The following ARMC9 variants were observed in gnomAD, a reference collection of about 807,000 sequenced individuals.
ARMC9 encodes the protein armadillo repeat containing 9.
In ARMC9, 94 loss-of-function variants were observed where a neutral mutation model predicts 107.0. The observed-to-expected ratio is 0.88, with a 90% confidence interval of 0.74 to 1.04. The LOEUF is 1.04. Among genes scored for constraint, ARMC9 ranks in the 50% least tolerant of loss-of-function variants. The pLI, the probability that ARMC9 is intolerant of heterozygous loss-of-function variation, is 0.00. For synonymous variants in ARMC9, 380 were observed against 396.9 expected, an observed-to-expected ratio of 0.96 and a Z score of 0.51; for missense variants, 942 against 1,030.1, an observed-to-expected ratio of 0.91 and a Z score of 1.17.
At chr2:231,232,174 C>T (rs556791493) in intron 7 of ARMC9, among the ~76,000 whole-genome samples, 36 of 151,592 alleles carry the variant, frequency 2.4e-4, no homozygotes, top group South Asian at 8.4e-4. Context: ...TACAGGTGTG[C>T]GCCACCACGC....
intron 20 of ARMC9, among the ~76,000 whole-genome samples, chr2:231,337,290 A>ATTTTTTTTTTTTTTT (rs58078324): frequency 2.6e-5 from 1 of 38,028 alleles, no homozygotes; most frequent in Non-Finnish European, 4.3e-5. Context: ...ATATATATAT[A>ATTTTTTTTTTTTTTT]TTTTTTTTTT....
At chr2:231,254,849 C>T (rs1453355501) in intron 9 of ARMC9, among the ~76,000 whole-genome samples, 1 of 152,138 alleles carries the variant, frequency 6.6e-6, no homozygotes, top group East Asian at 1.9e-4. Flanking sequence ...TTCTTCTCCT[C>T]TACTTATTCC....
chr2:231,357,304 G>T (rs753757103), intron 22 of ARMC9, among the ~76,000 whole-genome samples: 3 of 152,166 alleles, frequency 2.0e-5, no homozygotes, highest in Non-Finnish European at 2.9e-5. Context: ...CCCCCAGATG[G>T]ACCGGCTGGA....
chr2:231,282,148 C>G lies in ARMC9; in HGVS notation c.1626+15C>G, dbSNP rs763206451. 6.2e-7 allele frequency: 1 copy of G among 1,613,410 alleles called. No individual in the cohort carries two copies. The highest frequency in any genetic ancestry group is 8.5e-7 in the Non-Finnish European group (1 of 1,179,346). On this transcript the variant is annotated intron_variant, in intron 17 of 24. Coordinates refer to ENST00000611582, the MANE Select transcript of ARMC9 (RefSeq NM_001352754.2). ...CAAGAGCAATGGTAAGAAAGCGTGC[C>G]TGAGAAACATGTGAGCTTCCTTTAG...
At chr2:231,272,193 T>TG (rs1230341406) in intron 13 of ARMC9, among the ~76,000 whole-genome samples, 3 of 144,828 alleles carry the variant, frequency 2.1e-5, no homozygotes, top group African/African-American at 7.7e-5. Flanking sequence ...TTTGGTTTTT[T>TG]TTTTTTTTTT....
At chr2:231,356,162 G>A (rs1320206123) in intron 22 of ARMC9, among the ~76,000 whole-genome samples, 1 of 152,184 alleles carries the variant, frequency 6.6e-6, no homozygotes, top group African/African-American at 2.4e-5. Flanking sequence ...TCCCGTCTGG[G>A]AGCTCCTGGG....
intron 2 of ARMC9, among the ~76,000 whole-genome samples, chr2:231,207,055 A>T (rs1395221965): frequency 6.6e-6 from 1 of 152,252 alleles, no homozygotes; most frequent in Non-Finnish European, 1.5e-5. Context: ...CCTAGGCTGG[A>T]GTGCAGTGGC....
At position 231,355,855 on chromosome 2, in the gene ARMC9, G is replaced by T. The variant is rs1345595442; in HGVS notation, c.2052G>T (p.Pro684=). The T allele has an allele frequency of 2.0e-6, 3 of 1,535,918 alleles. No individual in the cohort carries two copies. Among genetic ancestry groups the T allele is most frequent in the Non-Finnish European group, 2.6e-6 (3 of 1,146,880 alleles). The stretch of plus-strand genomic sequence containing the variant: ...CCCAGCACGCCAGAAACGGCCACCC[G>T]CAGGCCCTGCCAGCCGCTCACGAGG... ...QTAQHARNGH[P]QALPAAHEAV... The change falls in exon 22 of 25, where the codon CCG becomes CCT. Residue 684 remains proline (P), a synonymous_variant. Coordinates refer to ENST00000611582, the MANE Select transcript of ARMC9 (RefSeq NM_001352754.2).
intron 19 of ARMC9, among the ~76,000 whole-genome samples, chr2:231,302,437 GT>G (rs56032700): frequency 0.17 from 9,819 of 58,520 alleles, 714 homozygotes; most frequent in African/African-American, 0.41. Flanking sequence ...TTGTGGGTTT[GT>G]TTTTTTTTTT....
rs1265080016 is a variant in ARMC9, at chr2:231,262,322, A to G, written c.1043A>G (p.His348Arg). ...TTGCTCCAGCGCTTGACCACATCCC[A>G]TCCTGGAGAGCAGAGGGAGACCGTT... ...QALRWRLTTS[H>R]PGEQRETVLQ... is the part of the protein sequence containing the mutation. The change falls in exon 12 of 25, where the codon CAT becomes CGT. Residue 348 changes from histidine (H) to arginine (R), a missense_variant. His to Arg is a conservative substitution (Grantham distance 29). Transcript: ENST00000611582. 4 of 1,614,104 alleles carry G rather than the reference A, an allele frequency of 2.5e-6. No homozygotes were observed. The highest frequency in any genetic ancestry group is 2.2e-5 in the East Asian group (1 of 44,882).
intron 19 of ARMC9, among the ~76,000 whole-genome samples, chr2:231,298,561 G>A (rs2041524976): frequency 6.6e-6 from 1 of 152,196 alleles, no homozygotes; most frequent in Non-Finnish European, 1.5e-5. Flanking sequence ...GCTTAGCAGT[G>A]TAAATGTTCT....
At chr2:231,249,442 G>A (rs190319274) in intron 9 of ARMC9, among the ~76,000 whole-genome samples, 24 of 152,122 alleles carry the variant, frequency 1.6e-4, no homozygotes, top group African/African-American at 4.1e-4. Context: ...GTCTTAGAAA[G>A]TCCCCATCCT....
At position 231,306,662 on chromosome 2, in the gene ARMC9, A is replaced by G. The variant is rs191742425; in HGVS notation, c.1773+10409A>G. 6.6e-5 allele frequency among the ~76,000 whole-genome samples: 10 copies of G among 152,270 alleles called. No individual in the cohort carries two copies. In the East Asian group the frequency reaches 1.7e-3, roughly 26 times the overall value. On this transcript the variant is annotated intron_variant, in intron 19 of 24. Coordinates refer to ENST00000611582, the MANE Select transcript of ARMC9 (RefSeq NM_001352754.2). Reference sequence around the variant, plus strand: ...AGAGCAAGAAGTTAAATTCAAGAAGATGGGCTGAACAAGATAGGAACAAGC... The same window carrying G: ...AGAGCAAGAAGTTAAATTCAAGAAGGTGGGCTGAACAAGATAGGAACAAGC...
Position 231,297,870 on chromosome 2 carries a change from G to A in ARMC9, c.1773+1617G>A. On this transcript the variant is annotated intron_variant, in intron 19 of 24. Transcript: ENST00000611582. This position sits in a 1 kb window ranked among gnomAD's most constrained non-coding sequence, Gnocchi z 4.2. Reference sequence around the variant, plus strand: ...CATTGTGTCCTAAAGTTTGTCTCGAGATCTGTTTTCTTCCCTTCTTGTATC... The same window carrying A: ...CATTGTGTCCTAAAGTTTGTCTCGAAATCTGTTTTCTTCCCTTCTTGTATC... Among the ~76,000 whole-genome samples the A allele has an allele frequency of 6.6e-6, 1 of 152,084 alleles. No individual in the cohort carries two copies. The highest frequency in any genetic ancestry group is 1.9e-4 in the East Asian group (1 of 5,200).
intron 20 of ARMC9, among the ~76,000 whole-genome samples, chr2:231,333,594 C>A (rs961752052): frequency 6.6e-6 from 1 of 152,218 alleles, no homozygotes; most frequent in Non-Finnish European, 1.5e-5. Context: ...CTTGACTAGG[C>A]CTCTGTCGCC....
intron 15 of ARMC9, among the ~76,000 whole-genome samples, 181 bp from the exon 16 acceptor site, chr2:231,278,201 A>G (rs1338135541): frequency 6.6e-6 from 1 of 152,184 alleles, no homozygotes; most frequent in East Asian, 1.9e-4. Context: ...TAATCCCTGT[A>G]GTAAAGAAGA....
intron 12 of ARMC9, among the ~76,000 whole-genome samples, chr2:231,266,711 CT>C (rs1390915822): frequency 1.3e-5 from 2 of 152,060 alleles, no homozygotes. Context: ...CAGTATTTTT[CT>C]TTTTGTGACT....
chr2:231,324,578 C>T (rs1356623494), intron 19 of ARMC9, among the ~76,000 whole-genome samples: 1 of 151,268 alleles, frequency 6.6e-6, no homozygotes, highest in Non-Finnish European at 1.5e-5. Flanking sequence ...ATGAAGAAAC[C>T]CCGTCCCTAC....
chr2:231,358,599 T>A lies in ARMC9; in HGVS notation c.2132-2155T>A, dbSNP rs2045437490. ...GCTCGCTGCTGAGTCTGGCCTGTGC[T>A]GGGAACTAACGCCCCACCCAGAGAC... On this transcript the variant is annotated intron_variant, in intron 22 of 24. Coordinates refer to ENST00000611582, the MANE Select transcript of ARMC9 (RefSeq NM_001352754.2). The surrounding 1 kb of genome is among the most constrained non-coding windows in gnomAD (Gnocchi z 4.5). Among the ~76,000 whole-genome samples the A allele has an allele frequency of 6.6e-6, 1 of 152,182 alleles. No individual in the cohort carries two copies. Among genetic ancestry groups the A allele is most frequent in the South Asian group, 2.1e-4 (1 of 4,828 alleles).
Sources: gnomAD v4.1 joint callset for allele counts (sites outside exome capture counted in the v4.1 genomes callset) on GRCh38, gnomAD v4.1.1 for gene constraint, Gnocchi (gnomAD v3.1) non-coding constraint, MANE v1.5 for transcripts, NCBI Gene and HGNC (gene_info 2026-07-23, HGNC 2026-07-21) for gene names.